The following PCDH9 variants were observed in gnomAD, a reference collection of about 807,000 sequenced individuals.
PCDH9 encodes protocadherin-9.
A neutral mutation model predicts 70.6 loss-of-function variants in PCDH9; 24 were observed. The observed-to-expected ratio is 0.34, with a 90% CI of 0.25 to 0.48. The LOEUF (loss-of-function observed/expected upper bound fraction) is 0.48. Among genes scored for constraint, PCDH9 ranks in the 20% least tolerant of loss-of-function variants. PCDH9 has a pLI of 0.99. For missense variants in PCDH9, 1,281 were observed against 1,503.6 expected (o/e 0.85, Z 2.45); for synonymous variants, 562 against 558.5 (o/e 1.01, Z -0.09).
intron 3 of PCDH9, among the ~76,000 whole-genome samples, chr13:66,826,494 C>A (rs538770248): frequency 4.6e-5 from 7 of 152,166 alleles, no homozygotes; most frequent in Admixed American, 2.0e-4. Context: ...TTAATTAACA[C>A]CTGTTAGGCC....
rs552837728 is a variant in PCDH9 at position 67,023,186 on chromosome 13, C to T, written c.3037-119581G>A. Reference sequence around the variant, plus strand: ...TTTTTTAGCCTTCATAGCTTTGAGCCGTTCTTTTAGAAGAATATTTGTTTA... The same window carrying T: ...TTTTTTAGCCTTCATAGCTTTGAGCTGTTCTTTTAGAAGAATATTTGTTTA... On this transcript the variant is annotated intron_variant, in intron 2 of 4. Coordinates refer to ENST00000377865, the MANE Select transcript of PCDH9 (RefSeq NM_203487.3). Among the ~76,000 whole-genome samples, 5 of 151,684 alleles carry T rather than the reference C, an allele frequency of 3.3e-5. No homozygotes were observed. The South Asian group carries it at 1.0e-3, about 32-fold the overall frequency.
chr13:66,361,509 T>C (rs1956469948), intron 4 of PCDH9, among the ~76,000 whole-genome samples: 1 of 152,158 alleles, frequency 6.6e-6, no homozygotes, highest in South Asian at 2.1e-4. Flanking sequence ...CATCAGTTTT[T>C]TGTATCTGAA....
chr13:66,400,618 A>G (rs1957169244), intron 4 of PCDH9, among the ~76,000 whole-genome samples: 1 of 152,184 alleles, frequency 6.6e-6, no homozygotes, highest in Non-Finnish European at 1.5e-5. Context: ...CTGAAAGAAA[A>G]CTCATAGGCT....
intron 3 of PCDH9, among the ~76,000 whole-genome samples, chr13:66,708,990 T>TAAGC (rs1480424849): frequency 1.3e-5 from 2 of 152,212 alleles, no homozygotes; most frequent in African/African-American, 4.8e-5. Flanking sequence ...CATTTCCAAG[T>TAAGC]AAGCCCTCAG....
At chr13:66,702,767 G>A (rs545843942) in intron 3 of PCDH9, among the ~76,000 whole-genome samples, 11 of 152,234 alleles carry the variant, frequency 7.2e-5, no homozygotes, top group Middle Eastern at 6.8e-3. Flanking sequence ...AATGTGCTAT[G>A]AATAAAGGAA....
chr13:66,903,555 A>G lies in PCDH9; in HGVS notation c.3087T>C (p.Cys1029=), dbSNP rs1244086332. The G allele has an allele frequency of 1.9e-6, 3 of 1,586,718 alleles. No homozygotes were observed. The highest frequency in any genetic ancestry group is 3.4e-5 in the Admixed American group (2 of 59,628). The change falls in exon 3 of 5, where the codon TGT becomes TGC. Residue 1029 remains cysteine, a synonymous_variant. Transcript: ENST00000377865. ...GAATGTGGAAACCCGTGGAGCTGGG[A>G]CATTTCTGAGGAGTGACAGGAATAT... The part of the protein sequence containing the change: ...SDNIPVTPQK[C]PSSTGFHIQE...
chr13:66,720,556 T>TA (rs2078929490), intron 3 of PCDH9, among the ~76,000 whole-genome samples: 1 of 152,044 alleles, frequency 6.6e-6, no homozygotes, highest in African/African-American at 2.4e-5. Context: ...TAGTTTTTTA[T>TA]AAAAAATGGA....
intron 3 of PCDH9, among the ~76,000 whole-genome samples, chr13:66,661,462 T>C (rs1200044485): frequency 6.6e-6 from 1 of 152,188 alleles, no homozygotes; most frequent in African/African-American, 2.4e-5. Context: ...TAGTTTGTTT[T>C]CAATGTGCGG....
intron 2 of PCDH9, chr13:67,218,728 G>A (rs139476089): frequency 2.6e-5 from 4 of 151,976 alleles, no homozygotes; most frequent in Admixed American, 2.0e-4. Flanking sequence ...TACGTAGCAG[G>A]CTCCTTTCAA....
chr13:67,043,829 C>T (rs1262704712), intron 2 of PCDH9, among the ~76,000 whole-genome samples: 2 of 152,112 alleles, frequency 1.3e-5, no homozygotes. Context: ...ATTAAATATA[C>T]ATAGCCTTGT....
At chr13:66,760,812 G>A (rs138299445) in intron 3 of PCDH9, among the ~76,000 whole-genome samples, 2,341 of 152,168 alleles carry the variant, frequency 0.015, 65 homozygotes, top group African/African-American at 0.053. Context: ...ATTCCCAGGG[G>A]GAGGTCTCGA....
chr13:67,148,257 C>T (rs1394032382), intron 2 of PCDH9, among the ~76,000 whole-genome samples: 1 of 150,964 alleles, frequency 6.6e-6, no homozygotes, highest in Non-Finnish European at 1.5e-5. Context: ...TTTTTCTTCC[C>T]CTCTGTGATT....
chr13:67,167,325 A>T (rs1043001088), intron 2 of PCDH9, among the ~76,000 whole-genome samples: 1 of 152,144 alleles, frequency 6.6e-6, no homozygotes, highest in Non-Finnish European at 1.5e-5. Flanking sequence ...CTAATTTAAA[A>T]TGAGGAGGAT....
At chr13:66,602,004 C>G (rs2077171119) in intron 4 of PCDH9, among the ~76,000 whole-genome samples, 1 of 145,590 alleles carries the variant, frequency 6.9e-6, no homozygotes, top group African/African-American at 2.5e-5. Flanking sequence ...ACTCCTTCTA[C>G]TTATTAAAAA....
In PCDH9 at chr13:66,932,681, T is replaced by TATATATATATATAC. The variant is rs1313632174; in HGVS notation, c.3037-29077_3037-29076insGTATATATATATAT. ...TCACATATATATATATATATATATA[T>TATATATATATATAC]ACACACACACACACGTATGTATATA... On this transcript the variant is annotated intron_variant, in intron 2 of 4. Coordinates refer to ENST00000377865, the MANE Select transcript of PCDH9 (RefSeq NM_203487.3). Among the ~76,000 whole-genome samples the TATATATATATATAC allele has an allele frequency of 8.6e-3, 989 of 114,672 alleles. 12 individuals are homozygous for TATATATATATATAC. Among genetic ancestry groups the TATATATATATATAC allele is most frequent in the African/African-American group, 0.021 (612 of 29,172 alleles). The allele number at this position is 114,672 out of a possible 152,430, so 75.2% of individuals were successfully genotyped here.
At chr13:66,451,513 A>G (rs1958209410) in intron 4 of PCDH9, among the ~76,000 whole-genome samples, 1 of 152,214 alleles carries the variant, frequency 6.6e-6, no homozygotes, top group South Asian at 2.1e-4. Context: ...ATATTTTCAA[A>G]GCTACTATGA....
At chr13:66,864,177 G>A (rs1301240602) in intron 3 of PCDH9, among the ~76,000 whole-genome samples, 2 of 152,120 alleles carry the variant, frequency 1.3e-5, no homozygotes, top group Non-Finnish European at 2.9e-5. Flanking sequence ...CACAGCCAGA[G>A]CATATCAGAT....
intron 4 of PCDH9, among the ~76,000 whole-genome samples, chr13:66,439,073 T>G (rs1957928984): frequency 6.6e-6 from 1 of 152,174 alleles, no homozygotes; most frequent in South Asian, 2.1e-4. Context: ...TGTACAAAAA[T>G]TGTGACTCAG....
intron 4 of PCDH9, among the ~76,000 whole-genome samples, chr13:66,397,112 A>T (rs1350674086): frequency 6.6e-6 from 1 of 152,126 alleles, no homozygotes; most frequent in Non-Finnish European, 1.5e-5. Flanking sequence ...AAACGGTAAC[A>T]ACAAACCATA....
Sources: allele counts gnomAD v4.1 joint callset (sites outside exome capture counted in the v4.1 genomes callset), GRCh38; gene constraint gnomAD v4.1.1; transcripts MANE v1.5; gene names NCBI Gene and HGNC (gene_info 2026-07-23, HGNC 2026-07-21).